The following VPS13D variants were observed in gnomAD, a reference collection of about 807,000 sequenced individuals.
The protein encoded by VPS13D is vacuolar protein sorting 13 homolog D.
VPS13D carries 187 observed loss-of-function variants against 461.9 expected under a neutral mutation model. The ratio of observed to expected loss-of-function variants is 0.40; its 90% CI spans 0.36 to 0.46. The LOEUF (loss-of-function observed/expected upper bound fraction) is 0.46, where lower values mean the gene tolerates loss of function less well. Ranked by LOEUF, VPS13D falls within the 20% of genes least tolerant of loss-of-function variation. VPS13D has a pLI of 0.60. For synonymous variants in VPS13D, 1,951 were observed against 1,986.3 expected (o/e 0.98, Z 0.47); for missense variants, 4,711 against 5,364.9 (o/e 0.88, Z 3.81).
intron 7 of VPS13D, 118 bp from the exon 8 acceptor site, chr1:12,256,215 G>A (rs1640916125): frequency 1.1e-5 from 13 of 1,144,412 alleles, no homozygotes; most frequent in South Asian, 4.8e-5. Flanking sequence ...AATATTTGCC[G>A]CTGTGACACA....
chr1:12,347,217 C>G (rs1039506814), intron 44 of VPS13D, among the ~76,000 whole-genome samples: 31 of 151,972 alleles, frequency 2.0e-4, no homozygotes, highest in African/African-American at 7.0e-4. Flanking sequence ...GTTGCCCAGG[C>G]TGGAATGCAG....
At chr1:12,500,093 C>T (rs995147677) in intron 68 of VPS13D, 20 of 985,186 alleles carry the variant, frequency 2.0e-5, no homozygotes, top group African/African-American at 7.0e-5. Context: ...AATTATTTCC[C>T]GATGGAGTGA....
intron 39 of VPS13D, chr1:12,337,969 A>T (rs953759804): frequency 1.3e-5 from 5 of 373,158 alleles, no homozygotes; most frequent in Admixed American, 1.1e-4. Context: ...AAGGTTCAAT[A>T]CATATTCTTC....
chr1:12,373,094 G>GGTTTTT (rs2101632596), intron 54 of VPS13D, among the ~76,000 whole-genome samples: 1 of 87,072 alleles, frequency 1.1e-5, no homozygotes, highest in East Asian at 4.3e-4. Flanking sequence ...TGTCTGGCTT[G>GGTTTTT]GTTTTTTTTT....
At position 12,328,018 on chromosome 1, in the gene VPS13D, T is replaced by A. The variant is rs867343013; in HGVS notation, c.8197+164T>A. ...TTCATTATGTATGTTTTAAAGAAAC[T>A]TTTATTTGCCATATGTGGCCTTCAG... On this transcript the variant is annotated intron_variant, in intron 36 of 69. Transcript: ENST00000620676. Among the ~76,000 whole-genome samples the A allele has an allele frequency of 4.6e-5, 7 of 152,298 alleles. No homozygotes were observed. In the South Asian group the frequency reaches 1.2e-3, roughly 27 times the overall value.
At chr1:12,340,919 ACT>A (rs778725302) in intron 40 of VPS13D, among the ~76,000 whole-genome samples, 35 of 151,926 alleles carry the variant, frequency 2.3e-4, no homozygotes, top group Non-Finnish European at 4.3e-4. Context: ...TCCTTTCAGT[ACT>A]CTGTGTTCCA....
At position 12,373,980 on chromosome 1, in the gene VPS13D, G is replaced by A. The variant is rs187170539; in HGVS notation, c.10917+122G>A. 6.0e-5 allele frequency: 37 copies of A among 620,826 alleles called. No homozygotes were observed. In the East Asian group the frequency reaches 1.6e-3, roughly 26 times the overall value. 38.5% of individuals were successfully genotyped at this position (620,826 alleles called of 1,614,324 possible). A position where few individuals can be genotyped will look rare whatever the true frequency, so the allele number is the denominator to read the frequency against. On this transcript the variant is annotated intron_variant, in intron 55 of 69. Transcript: ENST00000620676. ...CCATAGGGACTTGTGTGGAACCCAG[G>A]CCTCTTGGCATTTCCAGGTCAGTGT...
At position 12,276,981 on chromosome 1, in the gene VPS13D, C is replaced by T. The variant is rs370215764; in HGVS notation, c.3393C>T (p.Pro1131=). 6.8e-5 allele frequency: 110 copies of T among 1,613,868 alleles called. No individual in the cohort carries two copies. Among genetic ancestry groups the T allele is most frequent in the Non-Finnish European group, 9.2e-5 (109 of 1,180,012 alleles). Residue 1131 remains proline (P), a synonymous_variant, in exon 19 of 70, where the codon CCC becomes CCT. Coordinates refer to ENST00000620676, the MANE Select transcript of VPS13D (RefSeq NM_015378.4). This position sits in a 1 kb window ranked among gnomAD's most constrained non-coding sequence, Gnocchi z 4.5. ...TTGGTTTTCTTCAAAAATCCTTTCC[C>T]AAGGAAAAAGATGATTTAAGTCCTC... is the stretch of plus-strand genomic sequence containing the variant. ...ELIGFLQKSF[P]KEKDDLSPQP... is the part of the protein sequence containing the mutation.
intron 60 of VPS13D, among the ~76,000 whole-genome samples, chr1:12,392,836 C>T (rs1644445960): frequency 6.6e-6 from 1 of 152,182 alleles, no homozygotes. Flanking sequence ...TCATATGGCC[C>T]AGATGGCAGA....
chr1:12,439,342 C>T (rs1645101537), intron 65 of VPS13D, among the ~76,000 whole-genome samples: 1 of 152,122 alleles, frequency 6.6e-6, no homozygotes, highest in South Asian at 2.1e-4. Context: ...TCAGTGTTCT[C>T]TTCCTGGAAT....
At position 12,254,365 on chromosome 1, in the gene VPS13D, A is replaced by G. The variant is rs373676922; in HGVS notation, c.669+539A>G. ...CTAGGCATCCAGATTTTAAATGAACAGAGCACCAGGACTGAATCTTAAAGA... is the reference window on the plus strand; with the variant it reads ...CTAGGCATCCAGATTTTAAATGAACGGAGCACCAGGACTGAATCTTAAAGA... On this transcript the variant is annotated intron_variant, in intron 7 of 69. Transcript: ENST00000620676. Among the ~76,000 whole-genome samples, 41 of 152,106 alleles carry G rather than the reference A, an allele frequency of 2.7e-4. 3 individuals carry two copies. Among genetic ancestry groups the G allele is most frequent in the Admixed American group, 2.2e-3 (33 of 15,276 alleles).
chr1:12,287,906 T>G (rs867194749), intron 21 of VPS13D, among the ~76,000 whole-genome samples: 1 of 152,294 alleles, frequency 6.6e-6, no homozygotes, highest in East Asian at 1.9e-4. Flanking sequence ...ACTATAGAAT[T>G]GTATAATATT....
At chr1:12,335,561 G>A in intron 38 of VPS13D, 144 bp from the exon 39 acceptor site, 10 of 998,236 alleles carry the variant, frequency 1.0e-5, no homozygotes, top group Non-Finnish European at 1.4e-5. Context: ...AGGCTCTCCA[G>A]GGCATAGACT....
chr1:12,471,918 A>G (rs1645567599), intron 67 of VPS13D, among the ~76,000 whole-genome samples: 1 of 151,966 alleles, frequency 6.6e-6, no homozygotes, highest in African/African-American at 2.4e-5. Context: ...TTTCTTTAAA[A>G]AAGAAAAAAA....
chr1:12,277,983 G>A lies in VPS13D; in HGVS notation c.4395G>A (p.Gln1465=). ...CCGGGTCTGGCAGTGCCAACAGTCAGGAGGAAGCTCATTTCACACGACATG... is the reference window on the plus strand; with the variant it reads ...CCGGGTCTGGCAGTGCCAACAGTCAAGAGGAAGCTCATTTCACACGACATG... ...PPSGSGSANS[Q]EEAHFTRHDF... The change falls in exon 19 of 70, where the codon CAG becomes CAA. Residue 1465 remains glutamine, a synonymous_variant. Transcript: ENST00000620676. The A allele has an allele frequency of 6.2e-7, 1 of 1,614,200 alleles. No homozygotes were observed. The highest frequency in any genetic ancestry group is 8.5e-7 in the Non-Finnish European group (1 of 1,180,032).
intron 59 of VPS13D, 80 bp from the exon 60 acceptor site, chr1:12,386,105 G>C: frequency 3.4e-6 from 5 of 1,457,876 alleles, no homozygotes; most frequent in Non-Finnish European, 1.8e-6. Flanking sequence ...AATGTAAAAT[G>C]CTTTATTTTC....
At chr1:12,244,742 C>A in intron 5 of VPS13D, 125 bp downstream of exon 5, 2 of 811,062 alleles carry the variant, frequency 2.5e-6, no homozygotes, top group Non-Finnish European at 3.9e-6. Context: ...ATGGGGCTGG[C>A]TGCTCAGGTC....
intron 1 of VPS13D, 121 bp from the exon 2 acceptor site, chr1:12,234,070 A>C (rs1640071205): frequency 2.1e-6 from 1 of 467,832 alleles, no homozygotes. Flanking sequence ...AAACACAAAC[A>C]AACAAAACCC....
At chr1:12,280,437 AG>A (rs1461274560) in intron 20 of VPS13D, among the ~76,000 whole-genome samples, 3 of 152,052 alleles carry the variant, frequency 2.0e-5, no homozygotes, top group African/African-American at 7.2e-5. Context: ...GGTAGCTACC[AG>A]GACAAATTTT....
Sources: allele counts gnomAD v4.1 joint callset (sites outside exome capture counted in the v4.1 genomes callset), GRCh38; gene constraint gnomAD v4.1.1; non-coding constraint Gnocchi (gnomAD v3.1); transcripts MANE v1.5; gene names NCBI Gene and HGNC (gene_info 2026-07-23, HGNC 2026-07-21).